The following CCDC7 variants were observed in gnomAD, a reference collection of about 807,000 sequenced individuals.
CCDC7 encodes coiled-coil domain containing 7.
A neutral mutation model predicts 196.9 loss-of-function variants in CCDC7; 183 were observed. The observed-to-expected ratio is 0.93, with a 90% CI of 0.82 to 1.05. The LOEUF (loss-of-function observed/expected upper bound fraction) is 1.05. Among genes scored for constraint, CCDC7 ranks in the 50% least tolerant of loss-of-function variants. The pLI, the probability that CCDC7 is intolerant of heterozygous loss-of-function variation, is 0.00. For missense variants in CCDC7, 1,540 were observed against 1,482.2 expected, an observed-to-expected ratio of 1.04 and a Z score of -0.64; for synonymous variants, 525 against 484.6, an observed-to-expected ratio of 1.08 and a Z score of -1.10.
chr10:32,694,630 A>G (rs1488641062), intron 23 of CCDC7, among the ~76,000 whole-genome samples: 1 of 152,216 alleles, frequency 6.6e-6, no homozygotes. Context: ...AACCTAAAGT[A>G]TAAATAACAT....
Position 32,628,680 on chromosome 10 carries a change from C to T in CCDC7, c.1802-5574C>T, listed in dbSNP as rs559212389. 1.3e-4 allele frequency among the ~76,000 whole-genome samples: 20 copies of T among 151,954 alleles called. No homozygotes were observed. In the South Asian group the frequency reaches 3.9e-3, roughly 30 times the overall value. ...AACTGCTTTTGCCATATTCCATATC[C>T]CCTAAGTTGTGGTATGTTGTATTTT... is the stretch of plus-strand genomic sequence containing the variant. On this transcript the variant is annotated intron_variant, in intron 18 of 41. Coordinates refer to ENST00000639629, the Ensembl canonical transcript of CCDC7.
chr10:32,649,975 C>T (rs1741381389), intron 20 of CCDC7, among the ~76,000 whole-genome samples: 1 of 152,208 alleles, frequency 6.6e-6, no homozygotes, highest in African/African-American at 2.4e-5. Flanking sequence ...CAATGAGCTT[C>T]TTTGCCGTCA....
At chr10:32,729,231 C>G in intron 27 of CCDC7, 101 bp from the exon 29 acceptor site, 2 of 1,209,466 alleles carry the variant, frequency 1.7e-6, no homozygotes, top group Non-Finnish European at 2.3e-6. Context: ...CTCATGAAAA[C>G]TATTCACATG....
chr10:32,861,804 C>G (rs2093996478), intron 41 of CCDC7, among the ~76,000 whole-genome samples: 1 of 146,776 alleles, frequency 6.8e-6, no homozygotes, highest in South Asian at 2.1e-4. Context: ...AGCCAACAAA[C>G]ATATGAAAAA....
At chr10:32,568,295 G>A (rs1400173414) in intron 15 of CCDC7, among the ~76,000 whole-genome samples, 3 of 152,006 alleles carry the variant, frequency 2.0e-5, no homozygotes, top group African/African-American at 7.2e-5. Flanking sequence ...ATGAGCCACC[G>A]CGCCCGGCCT....
chr10:32,709,728 G>A (rs1017872809), intron 24 of CCDC7, among the ~76,000 whole-genome samples: 6 of 152,112 alleles, frequency 3.9e-5, no homozygotes, highest in Non-Finnish European at 5.9e-5. Flanking sequence ...TCATGGCCTC[G>A]GTGCTGGGGA....
At chr10:32,543,772 A>G (rs1307374537) in intron 12 of CCDC7, among the ~76,000 whole-genome samples, 1 of 152,048 alleles carries the variant, frequency 6.6e-6, no homozygotes, top group East Asian at 1.9e-4. Context: ...TTCTTATAAA[A>G]AGTTATTTAT....
chr10:32,500,349 C>T (rs1253714925), intron 9 of CCDC7, among the ~76,000 whole-genome samples: 8 of 147,728 alleles, frequency 5.4e-5, no homozygotes, highest in East Asian at 2.0e-4. Flanking sequence ...CGGTCAGAGA[C>T]GCTCCTCACC....
intron 29 of CCDC7, among the ~76,000 whole-genome samples, chr10:32,793,045 G>A (rs1171315490): frequency 6.6e-6 from 1 of 152,134 alleles, no homozygotes; most frequent in Non-Finnish European, 1.5e-5. Context: ...GACATAGATT[G>A]GCTGAGTAGA....
At chr10:32,718,222 G>A (rs1038278002) in intron 25 of CCDC7, among the ~76,000 whole-genome samples, 4 of 152,128 alleles carry the variant, frequency 2.6e-5, no homozygotes. Context: ...TGCAAGACTG[G>A]TTCAACATAT....
intron 15 of CCDC7, among the ~76,000 whole-genome samples, chr10:32,570,015 T>G (rs2057356924): frequency 2.6e-5 from 4 of 152,158 alleles, no homozygotes. Context: ...CCTTCATGGC[T>G]TCTAGGGCCA....
At chr10:32,648,212 A>C (rs1190704373) in intron 20 of CCDC7, among the ~76,000 whole-genome samples, 1 of 151,978 alleles carries the variant, frequency 6.6e-6, no homozygotes, top group Non-Finnish European at 1.5e-5. Context: ...CCAGTACCAA[A>C]CTGTTTTGGT....
chr10:32,728,369 A>C (rs2083428706), intron 26 of CCDC7, among the ~76,000 whole-genome samples: 1 of 152,156 alleles, frequency 6.6e-6, no homozygotes, highest in African/African-American at 2.4e-5. Context: ...AACAGCAGTC[A>C]TTGGGTGCAA....
At position 32,556,433 on chromosome 10, in the gene CCDC7, CAT is replaced by C. The variant is rs541055513; in HGVS notation, c.1135-9123_1135-9122del. Among the ~76,000 whole-genome samples, 10 of 152,188 alleles carry C rather than the reference CAT, an allele frequency of 6.6e-5. No individual in the cohort carries two copies. In the South Asian group the frequency reaches 2.1e-3, roughly 32 times the overall value. On this transcript the variant is annotated intron_variant, in intron 13 of 41. Transcript: ENST00000639629. ...TTCTTGCTCTTGTTTCTCATTGAAA[CAT>C]AGAAATTTTTATCATATCTCAAATT...
At chr10:32,626,225 C>T (rs887956476) in intron 18 of CCDC7, among the ~76,000 whole-genome samples, 4 of 151,992 alleles carry the variant, frequency 2.6e-5, no homozygotes, top group African/African-American at 9.7e-5. Context: ...TCCTGACCAA[C>T]ACTTATCTTT....
At chr10:32,747,561 C>T (rs2074987727) in intron 28 of CCDC7, among the ~76,000 whole-genome samples, 2 of 152,134 alleles carry the variant, frequency 1.3e-5, no homozygotes, top group South Asian at 4.2e-4. Flanking sequence ...CATGAACAGA[C>T]ACTTCTCAAA....
At chr10:32,490,690 G>A (rs955403986) in intron 8 of CCDC7, among the ~76,000 whole-genome samples, 4 of 152,116 alleles carry the variant, frequency 2.6e-5, no homozygotes, top group East Asian at 1.9e-4. Flanking sequence ...CCAGCTACTC[G>A]GGAGGCTGAG....
At chr10:32,736,600 C>T (rs1418176778) in intron 28 of CCDC7, among the ~76,000 whole-genome samples, 3 of 149,114 alleles carry the variant, frequency 2.0e-5, no homozygotes, top group Non-Finnish European at 4.5e-5. Context: ...TCCATGTGTT[C>T]TCATTGTTTA....
chr10:32,630,663 G>T (rs2064738796), intron 18 of CCDC7, among the ~76,000 whole-genome samples: 1 of 152,158 alleles, frequency 6.6e-6, no homozygotes, highest in East Asian at 1.9e-4. Context: ...CTATAAATTG[G>T]CCTAGTAGAT....
Sources: gnomAD v4.1 joint callset for allele counts (sites outside exome capture counted in the v4.1 genomes callset) on GRCh38, gnomAD v4.1.1 for gene constraint, MANE v1.5 for transcripts, NCBI Gene and HGNC (gene_info 2026-07-23, HGNC 2026-07-21) for gene names.